PCDH9: variants seen among roughly 807,000 people sequenced by gnomAD.
PCDH9 encodes protocadherin-9.
Under a neutral mutation model 70.6 loss-of-function variants are expected in PCDH9, and 24 were observed. The observed-to-expected ratio is 0.34, with a 90% confidence interval of 0.25 to 0.48. The LOEUF is 0.48. PCDH9 is among the 20% of genes least tolerant of loss of function. The probability of loss-of-function intolerance (pLI) is 0.99; values close to 1 mark genes in which losing one functional copy is unlikely to be tolerated. For synonymous variants in PCDH9, 562 were observed against 558.5 expected (o/e 1.01, Z -0.09); for missense variants, 1,281 against 1,503.6 (o/e 0.85, Z 2.45).
chr13:67,162,042 G>C (rs1193006880), intron 2 of PCDH9, among the ~76,000 whole-genome samples: 2 of 152,150 alleles, frequency 1.3e-5, no homozygotes, highest in African/African-American at 2.4e-5. Context: ...AACGACCTTG[G>C]AAGTAGAGTT....
chr13:67,061,020 G>A (rs1399946714), intron 2 of PCDH9, among the ~76,000 whole-genome samples: 4 of 152,016 alleles, frequency 2.6e-5, no homozygotes, highest in Non-Finnish European at 5.9e-5. Flanking sequence ...TTCAATAGCT[G>A]ACAAGTTAAG....
chr13:66,511,911 T>C (rs948975114), intron 4 of PCDH9, among the ~76,000 whole-genome samples: 4 of 152,150 alleles, frequency 2.6e-5, no homozygotes, highest in Non-Finnish European at 5.9e-5. Context: ...CTTTTCTTTA[T>C]AAATTACCTA....
intron 4 of PCDH9, among the ~76,000 whole-genome samples, chr13:66,319,227 T>C (rs962851024): frequency 1.3e-5 from 2 of 151,936 alleles, no homozygotes; most frequent in Admixed American, 1.3e-4. Flanking sequence ...ATCATGGCAA[T>C]AGCGTGGGGA....
chr13:67,107,433 T>C (rs1275311518), intron 2 of PCDH9, among the ~76,000 whole-genome samples: 1 of 152,124 alleles, frequency 6.6e-6, no homozygotes, highest in Non-Finnish European at 1.5e-5. Context: ...CACAGAGACA[T>C]TGGGACAACC....
At chr13:66,585,470 C>A (rs902644651) in intron 4 of PCDH9, among the ~76,000 whole-genome samples, 9 of 152,098 alleles carry the variant, frequency 5.9e-5, no homozygotes, top group African/African-American at 2.2e-4. Context: ...AAGTGAGATT[C>A]ATCAAGTCTC....
At chr13:67,177,866 A>G (rs2088506537) in intron 2 of PCDH9, among the ~76,000 whole-genome samples, 1 of 152,082 alleles carries the variant, frequency 6.6e-6, no homozygotes, top group East Asian at 1.9e-4. Context: ...TTGCTCAATA[A>G]ACATTTGAAG....
At chr13:67,194,932 A>G (rs1455302430) in intron 2 of PCDH9, among the ~76,000 whole-genome samples, 1 of 152,102 alleles carries the variant, frequency 6.6e-6, no homozygotes, top group Admixed American at 6.5e-5. Context: ...CCGTTTATCA[A>G]AAAAAGTCAT....
chr13:66,894,909 GT>G, intron 3 of PCDH9, among the ~76,000 whole-genome samples: 1 of 152,062 alleles, frequency 6.6e-6, no homozygotes, highest in East Asian at 1.9e-4. Context: ...CTGGGTTCAA[GT>G]GATTCTAGTG....
At chr13:66,408,090 C>A (rs1269608593) in intron 4 of PCDH9, among the ~76,000 whole-genome samples, 2 of 135,212 alleles carry the variant, frequency 1.5e-5, no homozygotes, top group Non-Finnish European at 3.1e-5. Context: ...CTCGCTCTGT[C>A]GCCCAGGCCG....
chr13:66,722,755 G>A (rs538153382), intron 3 of PCDH9, among the ~76,000 whole-genome samples: 50 of 152,016 alleles, frequency 3.3e-4, no homozygotes, highest in Admixed American at 2.0e-3. Flanking sequence ...ATCACCTCAG[G>A]TCAGGAGTTT....
intron 4 of PCDH9, among the ~76,000 whole-genome samples, chr13:66,386,297 T>C (rs1262421222): frequency 6.6e-6 from 1 of 152,096 alleles, no homozygotes; most frequent in African/African-American, 2.4e-5. Flanking sequence ...ATTACTTAAG[T>C]TTGCTTTTTG....
At chr13:66,626,183 C>T (rs1232460436) in intron 4 of PCDH9, among the ~76,000 whole-genome samples, 4 of 151,840 alleles carry the variant, frequency 2.6e-5, no homozygotes, top group South Asian at 2.1e-4. Context: ...TCAGTCAACC[C>T]GGTTGGGAAG....
chr13:66,950,462 G>A (rs972744005), intron 2 of PCDH9, among the ~76,000 whole-genome samples: 1 of 151,406 alleles, frequency 6.6e-6, no homozygotes, highest in African/African-American at 2.4e-5. Flanking sequence ...TGGGAAACAT[G>A]GAAAGTTCTT....
At chr13:66,312,675 T>C (rs1955584059) in intron 4 of PCDH9, among the ~76,000 whole-genome samples, 1 of 152,134 alleles carries the variant, frequency 6.6e-6, no homozygotes, top group Admixed American at 6.6e-5. Flanking sequence ...TGAAATTATA[T>C]TTTGAATAAC....
chr13:66,927,651 C>A (rs1364567161), intron 2 of PCDH9, among the ~76,000 whole-genome samples: 1 of 152,060 alleles, frequency 6.6e-6, no homozygotes, highest in Non-Finnish European at 1.5e-5. Flanking sequence ...AGTCCTCTTT[C>A]TCCTTGGCTT....
chr13:66,662,158 A>G (rs1393283311), intron 3 of PCDH9, among the ~76,000 whole-genome samples: 2 of 152,028 alleles, frequency 1.3e-5, no homozygotes, highest in Non-Finnish European at 2.9e-5. Flanking sequence ...TATCAAGTAT[A>G]TCAAAGATGA....
At chr13:66,552,821 T>C (rs1013025508) in intron 4 of PCDH9, among the ~76,000 whole-genome samples, 1 of 152,096 alleles carries the variant, frequency 6.6e-6, no homozygotes, top group African/African-American at 2.4e-5. Flanking sequence ...TACCCAAGCC[T>C]GGGTAATTTA....
intron 4 of PCDH9, among the ~76,000 whole-genome samples, chr13:66,386,340 C>A (rs1956929558): frequency 6.6e-6 from 1 of 152,004 alleles, no homozygotes; most frequent in African/African-American, 2.4e-5. Context: ...AATACTGTAT[C>A]TTTGACTCCT....
intron 2 of PCDH9, among the ~76,000 whole-genome samples, chr13:67,043,202 A>G (rs1327177238): frequency 6.6e-6 from 1 of 152,152 alleles, no homozygotes; most frequent in African/African-American, 2.4e-5. Context: ...ACATGCCAAT[A>G]TTTTATTTTA....
Sources: gnomAD v4.1 joint callset for allele counts (sites outside exome capture counted in the v4.1 genomes callset) on GRCh38, gnomAD v4.1.1 for gene constraint, MANE v1.5 for transcripts, NCBI Gene and HGNC (gene_info 2026-07-23, HGNC 2026-07-21) for gene names.